CIMAP2: variants seen among roughly 807,000 people sequenced by gnomAD.
CIMAP2 encodes ciliary microtubule associated protein 2.
chr1:54,838,935 T>TG, the CIMAP2 span, among the ~76,000 whole-genome samples: 113,481 of 151,992 alleles, frequency 0.75, 43,668 homozygotes, highest in Middle Eastern at 0.85. Context: ...GGGCAGGGAT[T>TG]GGGGGGAGTA....
chr1:54,833,515 C>T, the CIMAP2 span, among the ~76,000 whole-genome samples: 6 of 152,204 alleles, frequency 3.9e-5, no homozygotes, highest in African/African-American at 1.4e-4. Context: ...GCCTTCTTCC[C>T]TGCTTCTTCA....
At chr1:54,839,821 G>T in the CIMAP2 span, among the ~76,000 whole-genome samples, 4 of 152,138 alleles carry the variant, frequency 2.6e-5, no homozygotes, top group African/African-American at 9.7e-5. Context: ...CATGAACATG[G>T]CTTATGGCAG....
the CIMAP2 span, among the ~76,000 whole-genome samples, chr1:54,808,231 T>C: frequency 6.6e-6 from 1 of 152,082 alleles, no homozygotes; most frequent in Non-Finnish European, 1.5e-5. Flanking sequence ...GAAATAGTAG[T>C]ACAAAGAAGG....
the CIMAP2 span, chr1:54,807,431 T>G: frequency 1.4e-6 from 2 of 1,395,296 alleles, no homozygotes; most frequent in African/African-American, 2.9e-5. Flanking sequence ...GCCTACTCCC[T>G]TCCTCCGGGT....
the CIMAP2 span, among the ~76,000 whole-genome samples, chr1:54,831,424 A>C: frequency 6.6e-6 from 1 of 152,176 alleles, no homozygotes; most frequent in Non-Finnish European, 1.5e-5. Context: ...AGGCTGAGGC[A>C]GGTGGATCAC....
At chr1:54,835,779 T>C in the CIMAP2 span, among the ~76,000 whole-genome samples, 8 of 152,176 alleles carry the variant, frequency 5.3e-5, no homozygotes, top group South Asian at 1.5e-3. Context: ...TCCCCAGAGT[T>C]ACAGGGCAGC....
chr1:54,827,106 G>A, the CIMAP2 span, among the ~76,000 whole-genome samples: 1 of 152,222 alleles, frequency 6.6e-6, no homozygotes, highest in Admixed American at 6.5e-5. Flanking sequence ...TCTAGTCAAG[G>A]TAGTTAGCCT....
chr1:54,811,772 T>TTC, the CIMAP2 span: 4 of 454,866 alleles, frequency 8.8e-6, no homozygotes, highest in South Asian at 4.7e-5. Context: ...ACAGCCTCCA[T>TTC]GCCCCCACCC....
At chr1:54,816,926 G>A in the CIMAP2 span, 3 of 1,592,524 alleles carry the variant, frequency 1.9e-6, no homozygotes, top group Non-Finnish European at 2.6e-6. Flanking sequence ...GGGAGGAGAG[G>A]AAGCCGAGAC....
At chr1:54,820,125 TC>T in the CIMAP2 span, among the ~76,000 whole-genome samples, 1 of 135,478 alleles carries the variant, frequency 7.4e-6, no homozygotes, top group Non-Finnish European at 1.6e-5. Context: ...TTTCTTTCTT[TC>T]TTTCTTTCTT....
the CIMAP2 span, among the ~76,000 whole-genome samples, chr1:54,817,815 T>G: frequency 6.6e-6 from 1 of 152,224 alleles, no homozygotes; most frequent in Non-Finnish European, 1.5e-5. Flanking sequence ...AATGTAATTT[T>G]AAAGAATATT....
chr1:54,841,623 C>A, the CIMAP2 span: 20 of 1,614,134 alleles, frequency 1.2e-5, no homozygotes, highest in South Asian at 2.2e-4. Flanking sequence ...TAGAATCAGG[C>A]TGTTTTGTTG....
At chr1:54,821,199 G>T in the CIMAP2 span, among the ~76,000 whole-genome samples, 1 of 133,908 alleles carries the variant, frequency 7.5e-6, no homozygotes, top group African/African-American at 2.9e-5. Context: ...TCACTCTATT[G>T]ATTCTTTTGC....
At chr1:54,836,193 C>T in the CIMAP2 span, among the ~76,000 whole-genome samples, 1 of 152,116 alleles carries the variant, frequency 6.6e-6, no homozygotes, top group Non-Finnish European at 1.5e-5. Flanking sequence ...CAAGGGAAGG[C>T]AGTCGGGAGA....
the CIMAP2 span, among the ~76,000 whole-genome samples, chr1:54,826,447 G>T: frequency 6.6e-6 from 1 of 152,188 alleles, no homozygotes; most frequent in Non-Finnish European, 1.5e-5. Context: ...ATGTCAGCAG[G>T]GCCCCAGGGA....
At chr1:54,812,017 C>T in the CIMAP2 span, 18 of 1,614,052 alleles carry the variant, frequency 1.1e-5, no homozygotes, top group Non-Finnish European at 1.5e-5. Flanking sequence ...AGCTCTCCTG[C>T]AGGCCTCATC....
chr1:54,834,288 T>C, the CIMAP2 span, among the ~76,000 whole-genome samples: 1 of 152,248 alleles, frequency 6.6e-6, no homozygotes, highest in African/African-American at 2.4e-5. Context: ...TTTCCAGCTC[T>C]GGTGTCTTGC....
chr1:54,808,429 C>T, the CIMAP2 span, among the ~76,000 whole-genome samples: 1 of 152,088 alleles, frequency 6.6e-6, no homozygotes, highest in Non-Finnish European at 1.5e-5. Context: ...TTGGAAGCAG[C>T]AGAGGCTAAG....
At chr1:54,820,017 T>C in the CIMAP2 span, among the ~76,000 whole-genome samples, 20,251 of 123,266 alleles carry the variant, frequency 0.16, 2,560 homozygotes, top group African/African-American at 0.31. Context: ...CTTTTCCTTC[T>C]TTCCTTCCTT....
Sources: gnomAD v4.1 joint callset for allele counts (sites outside exome capture counted in the v4.1 genomes callset) on GRCh38, gnomAD v4.1.1 for gene constraint, MANE v1.5 for transcripts, NCBI Gene and HGNC (gene_info 2026-07-23, HGNC 2026-07-21) for gene names.